The following ANKRD23 variants were observed in gnomAD, a reference collection of about 807,000 sequenced individuals.
ANKRD23 encodes the protein ankyrin repeat domain 23, also known as ankyrin repeat domain-containing protein 23.
A neutral mutation model predicts 38.1 loss-of-function variants in ANKRD23; 52 were observed. The observed-to-expected ratio is 1.36, with a 90% CI of 1.09 to 1.72. ANKRD23 has a LOEUF of 1.72. Among genes scored for constraint, ANKRD23 ranks in the 40% most tolerant of loss-of-function variants. The pLI is 0.00. For missense variants in ANKRD23, 416 were observed against 400.2 expected, an observed-to-expected ratio of 1.04 and a Z score of -0.34; for synonymous variants, 167 against 162.9, an observed-to-expected ratio of 1.03 and a Z score of -0.19.
intron 3 of ANKRD23, 39 bp from the exon 4 acceptor site, chr2:96,840,951 G>A: frequency 1.9e-6 from 3 of 1,603,716 alleles, no homozygotes; most frequent in Non-Finnish European, 8.5e-7. Flanking sequence ...ACTCCCGAAG[G>A]CCGCAGGTGC....
In ANKRD23 at chr2:96,843,866, G is replaced by A. The variant is rs189476117; in HGVS notation, c.27+100C>T. On this transcript the variant is annotated intron_variant, in intron 1 of 8. Transcript: ENST00000318357. ...GCATGCTTCCCTGCACCTAAGACTT[G>A]ACCCTCACACCACAGAAAGAAGCTG... 3.4e-5 allele frequency: 40 copies of A among 1,191,952 alleles called. 1 individual carries two copies. In the Admixed American group the frequency reaches 6.6e-4, roughly 20 times the overall value. The allele number at this position is 1,191,952 out of a possible 1,614,324, so 73.8% of individuals were successfully genotyped here.
At position 96,839,824 on chromosome 2, in the gene ANKRD23, T is replaced by C. The variant is rs1574127257; in HGVS notation, c.725A>G (p.Glu242Gly). ...CGAHLNAQDK[E>G]GDTALHEAVR... ...GGCCTCGTGCAGAGCCGTGTCCCCT[T>C]CCTGCTGAGAACGCAGGCAGTCAAG... Residue 242 changes from glutamate (E) to glycine (G), a missense_variant and splice_region_variant, in exon 8 of 9, where the codon GAA becomes GGA. By Grantham distance (98) the Glu-to-Gly change is moderately conservative. Coordinates refer to ENST00000318357, the MANE Select transcript of ANKRD23 (RefSeq NM_144994.8). 6.8e-6 allele frequency: 11 copies of C among 1,612,204 alleles called. 1 individual carries two copies. In the South Asian group the frequency reaches 1.2e-4, roughly 18 times the overall value.
chr2:96,838,345 C>T lies in ANKRD23; in HGVS notation c.*1204G>A, dbSNP rs775623580. 4.1e-4 allele frequency: 401 copies of T among 987,290 alleles called. No homozygotes were observed. The highest frequency in any genetic ancestry group is 4.6e-4 in the Non-Finnish European group (384 of 829,572). The allele number at this position is 987,290 out of a possible 1,614,324, so 61.2% of individuals were successfully genotyped here. ...GAGCTTCTTAAGATTCACTTTCTGG[C>T]GTTTAGGGGCCCAGCCCCACCAGCA... On this transcript the variant is annotated 3_prime_UTR_variant, in exon 9 of 9. Transcript: ENST00000318357.
In ANKRD23 at chr2:96,839,191, C is replaced by G. The variant is rs1233494391; in HGVS notation, c.*358G>C. The G allele has an allele frequency of 1.9e-6, 2 of 1,046,416 alleles. No homozygotes were observed. The highest frequency in any genetic ancestry group is 3.4e-5 in the African/African-American group (2 of 59,444). The allele number at this position is 1,046,416 out of a possible 1,614,324, so 64.8% of individuals were successfully genotyped here. On this transcript the variant is annotated 3_prime_UTR_variant, in exon 9 of 9. Transcript: ENST00000318357. ...GGGACAAGTGGACACTGAGGACTCC[C>G]AGACCCAGCCCTGGGTGGCTCCAGC...
Position 96,839,126 on chromosome 2 carries a change from C to G in ANKRD23, c.*423G>C, listed in dbSNP as rs62152834. ...GCCACGGGCTGAGTCCCCACACACA[C>G]AGACTGGCCCTGGAGAGAGCAAGGC... On this transcript the variant is annotated 3_prime_UTR_variant, in exon 9 of 9. Coordinates refer to ENST00000318357, the MANE Select transcript of ANKRD23 (RefSeq NM_144994.8). The G allele has an allele frequency of 0.1, 100,334 of 995,412 alleles. 10,764 individuals carry two copies. The highest frequency in any genetic ancestry group is 0.52 in the African/African-American group (30,003 of 57,588). The allele number at this position is 995,412 out of a possible 1,614,324, so 61.7% of individuals were successfully genotyped here.
At position 96,840,005 on chromosome 2, in the gene ANKRD23, G is replaced by C; in HGVS notation, c.715C>G (p.Gln239Glu). 7 of 1,555,758 alleles carry C rather than the reference G, an allele frequency of 4.5e-6. No homozygotes were observed. Among genetic ancestry groups the C allele is most frequent in the Non-Finnish European group, 6.1e-6 (7 of 1,149,034 alleles). The part of the protein sequence containing the change: ...LIECGAHLNA[Q>E]DKEGDTALHE... ...CCAAGCGCCTGCCTTACCTTATCCTGTGCGTTCAGGTGGGCGCCACACTCG... is the reference window on the plus strand; with the variant it reads ...CCAAGCGCCTGCCTTACCTTATCCTCTGCGTTCAGGTGGGCGCCACACTCG... Residue 239 changes from glutamine to glutamate, a missense_variant, in exon 7 of 9, where the codon CAG becomes GAG. Physicochemically the swap from Gln to Glu is conservative, Grantham distance 29. Coordinates refer to ENST00000318357, the MANE Select transcript of ANKRD23 (RefSeq NM_144994.8).
At chr2:96,841,918 C>T (rs955365536) in intron 3 of ANKRD23, 142 bp downstream of exon 3, 29 of 1,230,504 alleles carry the variant, frequency 2.4e-5, no homozygotes, top group South Asian at 8.8e-5. Flanking sequence ...GACACATCCG[C>T]GGGGGCTCTG....
At chr2:96,843,215 CAGGT>C (rs1227044304) in intron 1 of ANKRD23, among the ~76,000 whole-genome samples, 1 of 152,172 alleles carries the variant, frequency 6.6e-6, no homozygotes, top group African/African-American at 2.4e-5. Flanking sequence ...ACTTTCTAGT[CAGGT>C]AGAACCATAT....
chr2:96,839,737 AC>A lies in ANKRD23; in HGVS notation c.811del (p.Val271CysfsTer7). The A allele has an allele frequency of 6.2e-7, 1 of 1,613,002 alleles. No homozygotes were observed. The highest frequency in any genetic ancestry group is 8.5e-7 in the Non-Finnish European group (1 of 1,179,862). On this transcript the variant is annotated frameshift_variant, in exon 8 of 9. Transcript: ENST00000318357. LOFTEE classifies it high-confidence loss of function. The part of the protein sequence containing the change: ...LLLLYGAELG[V>X]RNAASVTPVQ... The stretch of plus-strand genomic sequence containing the variant: ...TGCGCCCACACTCACCGCGTTCCGC[AC>A]CCCCAGCTCGGCCCCATAGAGCAGC...
At chr2:96,842,341 C>G (rs780197299) in intron 2 of ANKRD23, 24 bp downstream of exon 2, 4 of 1,527,462 alleles carry the variant, frequency 2.6e-6, no homozygotes, top group South Asian at 2.3e-5. Context: ...CTGCCCCCAA[C>G]CCCGGCCCCC....
At chr2:96,840,728 T>C in intron 4 of ANKRD23, 59 bp downstream of exon 4, 2 of 1,608,212 alleles carry the variant, frequency 1.2e-6, no homozygotes, top group Non-Finnish European at 1.7e-6. Flanking sequence ...TTGAACACAC[T>C]GAAGGCAGCG....
At position 96,839,343 on chromosome 2, in the gene ANKRD23, C is replaced by T. The variant is rs1366064740; in HGVS notation, c.*206G>A. On this transcript the variant is annotated 3_prime_UTR_variant, in exon 9 of 9. Transcript: ENST00000318357. Reference sequence around the variant, plus strand: ...CAGCCCTGGGAGGGAACGCGGCTCCCCTGACACTCGAAGCCAGGGAGGCCT... The same window carrying T: ...CAGCCCTGGGAGGGAACGCGGCTCCTCTGACACTCGAAGCCAGGGAGGCCT... The T allele has an allele frequency of 2.4e-6, 3 of 1,253,256 alleles. No homozygotes were observed. Among genetic ancestry groups the T allele is most frequent in the African/African-American group, 1.6e-5 (1 of 64,418 alleles). The allele number at this position is 1,253,256 out of a possible 1,614,324, so 77.6% of individuals were successfully genotyped here.
chr2:96,839,349 A>T lies in ANKRD23; in HGVS notation c.*200T>A. The T allele has an allele frequency of 8.0e-7, 1 of 1,251,436 alleles. No homozygotes were observed. Among genetic ancestry groups the T allele is most frequent in the East Asian group, 3.1e-5 (1 of 31,998 alleles). The allele number at this position is 1,251,436 out of a possible 1,614,324, so 77.5% of individuals were successfully genotyped here. ...TGGGAGGGAACGCGGCTCCCCTGAC[A>T]CTCGAAGCCAGGGAGGCCTCTCTCT... On this transcript the variant is annotated 3_prime_UTR_variant, in exon 9 of 9. Transcript: ENST00000318357.
At position 96,840,212 on chromosome 2, in the gene ANKRD23, C is replaced by T. The variant is rs774514317; in HGVS notation, c.624+20G>A. 3.3e-5 allele frequency: 53 copies of T among 1,603,400 alleles called. No homozygotes were observed. On this transcript the variant is annotated intron_variant, in intron 6 of 8. Transcript: ENST00000318357. ...TGCTCCCGTGTTCCCGACAGGCCCC[C>T]AAAGCACCGTGCCCCTCACCTTGTC...
At position 96,838,479 on chromosome 2, in the gene ANKRD23, G is replaced by C; in HGVS notation, c.*1070C>G. The C allele has an allele frequency of 2.1e-6, 2 of 974,152 alleles. No individual in the cohort carries two copies. Among genetic ancestry groups the C allele is most frequent in the Non-Finnish European group, 2.4e-6 (2 of 829,764 alleles). The allele number at this position is 974,152 out of a possible 1,614,324, so 60.3% of individuals were successfully genotyped here. A position where few individuals can be genotyped will look rare whatever the true frequency, so the allele number is the denominator to read the frequency against. The stretch of plus-strand genomic sequence containing the variant: ...GAGCAGGGAAGGGATGGGAAGGGCT[G>C]GGGGGCGGCGGGGGCTCACCTTCCT... On this transcript the variant is annotated 3_prime_UTR_variant, in exon 9 of 9. Coordinates refer to ENST00000318357, the MANE Select transcript of ANKRD23 (RefSeq NM_144994.8).
Position 96,840,767 on chromosome 2 carries a change from AC to A in ANKRD23, c.426+19del. 4 of 1,613,194 alleles carry A rather than the reference AC, an allele frequency of 2.5e-6. No homozygotes were observed. The highest frequency in any genetic ancestry group is 8.5e-7 in the Non-Finnish European group (1 of 1,179,598). On this transcript the variant is annotated intron_variant, in intron 4 of 8. Transcript: ENST00000318357. Reference sequence around the variant, plus strand: ...CTGCAGCTGCAGCTGCTGCCAGCCGACTCACCCAACCTGTGCTACCTTGTCA... The same window carrying A: ...CTGCAGCTGCAGCTGCTGCCAGCCGATCACCCAACCTGTGCTACCTTGTCA...
intron 1 of ANKRD23, 70 bp from the exon 2 acceptor site, chr2:96,842,581 T>C: frequency 1.3e-6 from 2 of 1,534,888 alleles, no homozygotes; most frequent in Non-Finnish European, 1.8e-6. Flanking sequence ...AGCTGTGGAG[T>C]AGCAGGGAGC....
chr2:96,841,553 C>T (rs1264226506), intron 3 of ANKRD23, among the ~76,000 whole-genome samples: 9 of 137,644 alleles, frequency 6.5e-5, no homozygotes, highest in African/African-American at 2.3e-4. Context: ...AATCCGAGAT[C>T]GTGCCACTGC....
Position 96,843,994 on chromosome 2 carries a change from G to A in ANKRD23, c.-2C>T, listed in dbSNP as rs141445634. ...CTGCTGAATGCTGATGAAGTCCATG[G>A]TCCCCCCTGTTCCTCACACCCCCCA... On this transcript the variant is annotated 5_prime_UTR_variant, in exon 1 of 9. Coordinates refer to ENST00000318357, the MANE Select transcript of ANKRD23 (RefSeq NM_144994.8). 2 of 1,607,780 alleles carry A rather than the reference G, an allele frequency of 1.2e-6. No homozygotes were observed. The highest frequency in any genetic ancestry group is 2.7e-5 in the African/African-American group (2 of 74,580).
Sources: allele counts gnomAD v4.1 joint callset (sites outside exome capture counted in the v4.1 genomes callset), GRCh38; gene constraint gnomAD v4.1.1; transcripts MANE v1.5; gene names NCBI Gene and HGNC (gene_info 2026-07-23, HGNC 2026-07-21).